TFPT: variants seen among roughly 807,000 people sequenced by gnomAD.
TFPT encodes TCF3 fusion partner.
In TFPT, 27 loss-of-function variants were observed where a neutral mutation model predicts 28.8. The ratio of observed to expected loss-of-function variants is 0.94; its 90% CI spans 0.69 to 1.29. The LOEUF (loss-of-function observed/expected upper bound fraction) is 1.29, where lower values mean the gene tolerates loss of function less well. Ranked by LOEUF, TFPT falls within the 50% of genes most tolerant of loss-of-function variation. The probability of loss-of-function intolerance (pLI) is 0.00; values close to 1 mark genes in which losing one functional copy is unlikely to be tolerated. For synonymous variants in TFPT, 152 were observed against 142.8 expected, an observed-to-expected ratio of 1.06 and a Z score of -0.46; for missense variants, 330 against 338.0, an observed-to-expected ratio of 0.98 and a Z score of 0.19.
At chr19:54,109,947 T>A in intron 3 of TFPT, 104 bp downstream of exon 3, 2 of 918,974 alleles carry the variant, frequency 2.2e-6, no homozygotes, top group Non-Finnish European at 3.1e-6. Context: ...CTTCTCCTTG[T>A]GGCTTGTGAG....
chr19:54,108,881 C>G (rs2073362835), intron 3 of TFPT: 1 of 349,486 alleles, frequency 2.9e-6, no homozygotes, highest in South Asian at 3.3e-5. Flanking sequence ...TCCTCTGCAC[C>G]AGCACCTGGG....
rs1302736933 is a variant in TFPT, at chr19:54,114,494, A to G, written c.230T>C (p.Leu77Ser). 6.2e-7 allele frequency: 1 copy of G among 1,613,720 alleles called. No homozygotes were observed. Among genetic ancestry groups the G allele is most frequent in the Non-Finnish European group, 8.5e-7 (1 of 1,179,992 alleles). The change falls in exon 2 of 6, where the codon TTA becomes TCA. Residue 77 changes from leucine (L) to serine (S), a missense_variant. Physicochemically the swap from Leu to Ser is moderately radical, Grantham distance 145. Coordinates refer to ENST00000391759, the MANE Select transcript of TFPT (RefSeq NM_013342.4). ...ARGRRRRQRE[L>S]NRRKYQALGR... Reference sequence around the variant, plus strand: ...TAGTGCCTGGTACTTTCTGCGATTTAATTCCCGCTGGCGCCGCCGCCGACC... The same window carrying G: ...TAGTGCCTGGTACTTTCTGCGATTTGATTCCCGCTGGCGCCGCCGCCGACC...
intron 5 of TFPT, chr19:54,107,462 A>T (rs2073304061): frequency 4.9e-6 from 2 of 408,376 alleles, no homozygotes; most frequent in Non-Finnish European, 8.9e-6. Context: ...TTGCTCAGGC[A>T]GGTCTCAGAC....
At chr19:54,108,666 G>A (rs1169538896) in intron 3 of TFPT, 4 of 1,349,628 alleles carry the variant, frequency 3.0e-6, no homozygotes, top group African/African-American at 1.5e-5. Context: ...TGACACTGAA[G>A]TAGTGACACC....
In TFPT at chr19:54,108,306, C is replaced by T; in HGVS notation, c.423+20G>A. Reference sequence around the variant, plus strand: ...TCCTGAGCTCCCAGTTCCTGACCCTCCTGGAGGCCCAACACTCACCTCCAG... The same window carrying T: ...TCCTGAGCTCCCAGTTCCTGACCCTTCTGGAGGCCCAACACTCACCTCCAG... On this transcript the variant is annotated intron_variant, in intron 4 of 5. Coordinates refer to ENST00000391759, the MANE Select transcript of TFPT (RefSeq NM_013342.4). 3 of 1,589,250 alleles carry T rather than the reference C, an allele frequency of 1.9e-6. No individual in the cohort carries two copies. Among genetic ancestry groups the T allele is most frequent in the Non-Finnish European group, 2.6e-6 (3 of 1,167,108 alleles).
intron 3 of TFPT, among the ~76,000 whole-genome samples, chr19:54,109,642 A>G (rs1362371200): frequency 1.3e-5 from 2 of 152,026 alleles, no homozygotes; most frequent in African/African-American, 4.8e-5. Flanking sequence ...CAGCCTCATG[A>G]TATTGGTGCT....
intron 1 of TFPT, 128 bp downstream of exon 1, chr19:54,115,119 T>G: frequency 7.0e-7 from 1 of 1,430,040 alleles, no homozygotes; most frequent in East Asian, 2.3e-5. Flanking sequence ...AAAAGGGTTC[T>G]AAGGTAAAGC....
chr19:54,107,221 C>T (rs1568562787), intron 5 of TFPT, 52 bp from the exon 6 acceptor site: 1 of 1,580,574 alleles, frequency 6.3e-7, no homozygotes, highest in Non-Finnish European at 8.6e-7. Context: ...CTAGAAAATC[C>T]CATCAGCTTC....
At chr19:54,108,602 C>CT in intron 3 of TFPT, 1 of 1,541,704 alleles carries the variant, frequency 6.5e-7, no homozygotes. Context: ...CATTCTGAGG[C>CT]TGAGTTTCCT....
At chr19:54,112,801 AAG>A (rs1304786148) in intron 2 of TFPT, among the ~76,000 whole-genome samples, 2 of 150,306 alleles carry the variant, frequency 1.3e-5, no homozygotes, top group African/African-American at 2.5e-5. Context: ...GAAAGAGAAA[AAG>A]AGTTGAAGGC....
intron 2 of TFPT, among the ~76,000 whole-genome samples, chr19:54,114,120 G>A (rs888114481): frequency 6.6e-6 from 1 of 152,150 alleles, no homozygotes; most frequent in Non-Finnish European, 1.5e-5. Context: ...TGAATGAGTC[G>A]AGAGGAGTGA....
At position 54,107,095 on chromosome 19, in the gene TFPT, G is replaced by A; in HGVS notation, c.717C>T (p.Asp239=). Reference sequence around the variant, plus strand: ...CCAGGGTCGGGTAGGGCAGCAGTTTGTCTGGACCCCGAGAAACCCAACTGG... The same window carrying A: ...CCAGGGTCGGGTAGGGCAGCAGTTTATCTGGACCCCGAGAAACCCAACTGG... ...LDSSWVSRGP[D]KLLPYPTLAS... Residue 239 remains aspartate, a synonymous_variant, in exon 6 of 6, where the codon GAC becomes GAT. Coordinates refer to ENST00000391759, the MANE Select transcript of TFPT (RefSeq NM_013342.4). 1.9e-6 allele frequency: 3 copies of A among 1,613,898 alleles called. No individual in the cohort carries two copies. Among genetic ancestry groups the A allele is most frequent in the Non-Finnish European group, 2.5e-6 (3 of 1,179,970 alleles).
At chr19:54,107,431 T>C in intron 5 of TFPT, 1 of 490,870 alleles carries the variant, frequency 2.0e-6, no homozygotes, top group South Asian at 2.4e-5. Flanking sequence ...TTCTTTTTGG[T>C]AGAGATGGGG....
chr19:54,115,141 C>A, intron 1 of TFPT, 106 bp downstream of exon 1: 1 of 1,545,238 alleles, frequency 6.5e-7, no homozygotes. Flanking sequence ...GTTGCATGAA[C>A]TACAACCCCC....
At chr19:54,112,377 A>G (rs2073480437) in intron 2 of TFPT, among the ~76,000 whole-genome samples, 2 of 152,154 alleles carry the variant, frequency 1.3e-5, no homozygotes, top group Non-Finnish European at 2.9e-5. Context: ...CTGGGGGTGG[A>G]TTAATGGCAG....
At chr19:54,108,822 C>T (rs1397877334) in intron 3 of TFPT, 2 of 497,196 alleles carry the variant, frequency 4.0e-6, no homozygotes, top group African/African-American at 1.9e-5. Context: ...TCTCTTTTTT[C>T]CCCAGCCCCT....
In TFPT at chr19:54,107,106, G is replaced by A. The variant is rs763875464; in HGVS notation, c.706C>T (p.Arg236Trp). The A allele has an allele frequency of 3.5e-5, 57 of 1,613,734 alleles. No homozygotes were observed. Among genetic ancestry groups the A allele is most frequent in the Non-Finnish European group, 4.8e-5 (57 of 1,179,986 alleles). The part of the protein sequence containing the change: ...DEALDSSWVS[R>W]GPDKLLPYPT... ...TAGGGCAGCAGTTTGTCTGGACCCC[G>A]AGAAACCCAACTGGAATCCAGGGCC... The change falls in exon 6 of 6, where the codon CGG (arginine) becomes TGG (tryptophan). Residue 236 changes from arginine (R) to tryptophan (W), a missense_variant. Transcript: ENST00000391759.
In TFPT at chr19:54,108,748, T is replaced by C. The variant is rs1209640532; in HGVS notation, c.354-353A>G. 1.3e-5 allele frequency: 10 copies of C among 794,342 alleles called. No individual in the cohort carries two copies. In the Admixed American group the frequency reaches 1.5e-4, roughly 12 times the overall value. 49.2% of individuals were successfully genotyped at this position (794,342 alleles called of 1,614,324 possible). ...ATATGTGAGTTATAATTTTTATTGA[T>C]AACTGAAGAGAGGGGAGTACAGAAC... On this transcript the variant is annotated intron_variant, in intron 3 of 5. Coordinates refer to ENST00000391759, the MANE Select transcript of TFPT (RefSeq NM_013342.4).
In TFPT at chr19:54,107,178, G is replaced by T; in HGVS notation, c.643-9C>A. On this transcript the variant is annotated splice_polypyrimidine_tract_variant and intron_variant, in intron 5 of 5. Transcript: ENST00000391759. The stretch of plus-strand genomic sequence containing the variant: ...TCTTCCTCAACCTTAATCTGCAGGA[G>T]ATAAGGAACAAGGTGTTAACAGGCC... The T allele has an allele frequency of 1.9e-6, 3 of 1,611,812 alleles. No individual in the cohort carries two copies. The highest frequency in any genetic ancestry group is 2.5e-6 in the Non-Finnish European group (3 of 1,179,406).
Sources: allele counts gnomAD v4.1 joint callset (sites outside exome capture counted in the v4.1 genomes callset), GRCh38; gene constraint gnomAD v4.1.1; transcripts MANE v1.5; gene names NCBI Gene and HGNC (gene_info 2026-07-23, HGNC 2026-07-21).